FAM13C: variants seen among roughly 807,000 people sequenced by gnomAD.
FAM13C encodes family with sequence similarity 13 member C, also known as protein FAM13C.
A neutral mutation model predicts 73.2 loss-of-function variants in FAM13C; 37 were observed. That is an observed-to-expected ratio of 0.51 (90% CI 0.39 to 0.67). The LOEUF (loss-of-function observed/expected upper bound fraction) is 0.67. Ranked by LOEUF, FAM13C falls within the 30% of genes least tolerant of loss-of-function variation. The pLI, the probability that FAM13C is intolerant of heterozygous loss-of-function variation, is 0.00. For synonymous variants in FAM13C, 246 were observed against 260.9 expected, an observed-to-expected ratio of 0.94 and a Z score of 0.55; for missense variants, 589 against 715.6, an observed-to-expected ratio of 0.82 and a Z score of 2.02.
intron 6 of FAM13C, among the ~76,000 whole-genome samples, chr10:59,274,442 C>T (rs1026998645): frequency 6.6e-6 from 1 of 152,036 alleles, no homozygotes; most frequent in Non-Finnish European, 1.5e-5. Context: ...AGGGACTCTG[C>T]ATTGGGGAGA....
chr10:59,333,531 T>C (rs1348435716), intron 3 of FAM13C, among the ~76,000 whole-genome samples: 1 of 152,162 alleles, frequency 6.6e-6, no homozygotes, highest in Non-Finnish European at 1.5e-5. Flanking sequence ...ATCCTTTTAC[T>C]TAAAAGCCAG....
At chr10:59,315,064 G>A (rs908450625) in intron 4 of FAM13C, among the ~76,000 whole-genome samples, 5 of 152,256 alleles carry the variant, frequency 3.3e-5, no homozygotes, top group East Asian at 1.9e-4. Context: ...CCCAAAGTAA[G>A]ATTCAATTGT....
intron 4 of FAM13C, among the ~76,000 whole-genome samples, chr10:59,303,549 T>A (rs1847846980): frequency 6.6e-6 from 1 of 152,208 alleles, no homozygotes; most frequent in South Asian, 2.1e-4. Flanking sequence ...GGAAATTTCA[T>A]CCTATCTCTT....
In FAM13C at chr10:59,246,527, ATGT is replaced by A; in HGVS notation, c.*1084_*1086del. The A allele has an allele frequency of 2.5e-6, 1 of 393,128 alleles. No homozygotes were observed. Among genetic ancestry groups the A allele is most frequent in the Non-Finnish European group, 4.5e-6 (1 of 222,400 alleles). 24.4% of individuals were successfully genotyped at this position (393,128 alleles called of 1,614,324 possible). On this transcript the variant is annotated 3_prime_UTR_variant, in exon 14 of 14. Transcript: ENST00000618804. ...AAACAAGGTTGGTACATGAGAGAAA[ATGT>A]TGACCTTTTACTTCCTTTTACAAAA...
intron 5 of FAM13C, among the ~76,000 whole-genome samples, chr10:59,285,772 G>C (rs1358062328): frequency 6.6e-6 from 1 of 152,176 alleles, no homozygotes; most frequent in Non-Finnish European, 1.5e-5. Flanking sequence ...CCCCTTTAAA[G>C]AGGCAGTTAG....
intron 6 of FAM13C, among the ~76,000 whole-genome samples, chr10:59,272,825 A>C (rs1843867621): frequency 6.6e-6 from 1 of 152,188 alleles, no homozygotes; most frequent in Non-Finnish European, 1.5e-5. Context: ...GGCAGGGGAT[A>C]AGTTCCAAGA....
At chr10:59,291,288 G>A (rs1002454853) in intron 5 of FAM13C, among the ~76,000 whole-genome samples, 9 of 152,186 alleles carry the variant, frequency 5.9e-5, no homozygotes, top group Admixed American at 5.9e-4. Flanking sequence ...TGCCAACACA[G>A]TGGGACTTCT....
intron 3 of FAM13C, among the ~76,000 whole-genome samples, chr10:59,333,961 T>C (rs1852372678): frequency 6.6e-6 from 1 of 152,206 alleles, no homozygotes; most frequent in Non-Finnish European, 1.5e-5. Context: ...TGTGGAACAG[T>C]TAACAAAGGA....
intron 10 of FAM13C, among the ~76,000 whole-genome samples, chr10:59,259,739 T>A (rs1405678441): frequency 6.6e-6 from 1 of 152,148 alleles, no homozygotes; most frequent in Non-Finnish European, 1.5e-5. Flanking sequence ...ATAATAGAAA[T>A]GATTGGCATT....
chr10:59,281,763 G>C (rs554990721), intron 6 of FAM13C, among the ~76,000 whole-genome samples: 2 of 152,300 alleles, frequency 1.3e-5, no homozygotes, highest in South Asian at 4.1e-4. Flanking sequence ...TTGTTGGGAA[G>C]ACACATAAAA....
chr10:59,254,934 T>C (rs1029191855), intron 10 of FAM13C, among the ~76,000 whole-genome samples: 2 of 152,090 alleles, frequency 1.3e-5, no homozygotes. Flanking sequence ...CACATGCCAG[T>C]TTTTTTCTTG....
At chr10:59,358,923 G>A (rs1374924153) in intron 1 of FAM13C, among the ~76,000 whole-genome samples, 1 of 152,126 alleles carries the variant, frequency 6.6e-6, no homozygotes, top group Non-Finnish European at 1.5e-5. Flanking sequence ...TGGCTTACAT[G>A]GCACATGTTT....
chr10:59,344,040 C>A (rs1853898986), intron 3 of FAM13C, among the ~76,000 whole-genome samples: 1 of 149,626 alleles, frequency 6.7e-6, no homozygotes, highest in Non-Finnish European at 1.5e-5. Flanking sequence ...CGGCTCACTG[C>A]AAGCTCTGCC....
intron 3 of FAM13C, among the ~76,000 whole-genome samples, chr10:59,333,860 T>C (rs1346379509): frequency 1.3e-5 from 2 of 152,362 alleles, no homozygotes; most frequent in East Asian, 1.9e-4. Flanking sequence ...GCTCTCCTTA[T>C]ATTCTTGTAT....
intron 10 of FAM13C, among the ~76,000 whole-genome samples, chr10:59,261,874 C>G (rs1842539706): frequency 6.6e-6 from 1 of 151,862 alleles, no homozygotes; most frequent in South Asian, 2.1e-4. Context: ...GCTCCAGGCT[C>G]ATATATTCAA....
At chr10:59,313,492 C>T (rs1849176509) in intron 4 of FAM13C, among the ~76,000 whole-genome samples, 1 of 152,146 alleles carries the variant, frequency 6.6e-6, no homozygotes, top group African/African-American at 2.4e-5. Context: ...TCATGGCCAA[C>T]TAGGGCCACT....
intron 3 of FAM13C, among the ~76,000 whole-genome samples, chr10:59,335,734 C>T (rs375851393): frequency 6.6e-6 from 1 of 152,150 alleles, no homozygotes; most frequent in East Asian, 1.9e-4. Context: ...GTCAAGTCCA[C>T]AGGGGATAGG....
chr10:59,352,024 A>T (rs1200208744), intron 3 of FAM13C, among the ~76,000 whole-genome samples: 2 of 152,128 alleles, frequency 1.3e-5, no homozygotes, highest in Non-Finnish European at 2.9e-5. Context: ...AATAAAAATT[A>T]AAAAATAAAT....
chr10:59,327,015 C>T (rs1271389962), intron 3 of FAM13C, among the ~76,000 whole-genome samples: 1 of 152,148 alleles, frequency 6.6e-6, no homozygotes, highest in Non-Finnish European at 1.5e-5. Context: ...AATAATGCCA[C>T]ATTAAATGCA....
Sources: allele counts gnomAD v4.1 joint callset (sites outside exome capture counted in the v4.1 genomes callset), GRCh38; gene constraint gnomAD v4.1.1; transcripts MANE v1.5; gene names NCBI Gene and HGNC (gene_info 2026-07-23, HGNC 2026-07-21).